TMEM108: variants seen among roughly 807,000 people sequenced by gnomAD.
The protein encoded by TMEM108 is transmembrane protein 108.
Under a neutral mutation model 35.1 loss-of-function variants are expected in TMEM108, and 12 were observed. That is an observed-to-expected ratio of 0.34 (90% CI 0.22 to 0.55). The LOEUF is 0.55. Among genes scored for constraint, TMEM108 ranks in the 20% least tolerant of loss-of-function variants. TMEM108 has a pLI of 0.89. For synonymous variants in TMEM108, 287 were observed against 308.6 expected (o/e 0.93, Z 0.73); for missense variants, 680 against 753.3 (o/e 0.90, Z 1.14).
At chr3:133,218,448 G>A (rs115552707) in intron 2 of TMEM108, among the ~76,000 whole-genome samples, 2 of 151,886 alleles carry the variant, frequency 1.3e-5, no homozygotes, top group Non-Finnish European at 2.9e-5. Context: ...TTGAATAGAA[G>A]TGACAGTAAT....
At chr3:133,314,610 A>G (rs2071174046) in intron 3 of TMEM108, among the ~76,000 whole-genome samples, 1 of 152,212 alleles carries the variant, frequency 6.6e-6, no homozygotes, top group Non-Finnish European at 1.5e-5. Context: ...AGGTCACCTG[A>G]GAGCTGTAAT....
At chr3:133,045,315 G>A (rs572121394) in intron 1 of TMEM108, among the ~76,000 whole-genome samples, 1 of 152,240 alleles carries the variant, frequency 6.6e-6, no homozygotes, top group South Asian at 2.1e-4. Flanking sequence ...GTATTTTACA[G>A]TTGAGGAAAC....
intron 3 of TMEM108, among the ~76,000 whole-genome samples, chr3:133,356,321 C>T (rs887673049): frequency 2.6e-5 from 4 of 151,936 alleles, no homozygotes; most frequent in African/African-American, 9.7e-5. Flanking sequence ...AGAAATGACA[C>T]ATAACACAAA....
At chr3:133,161,315 G>A (rs977668537) in intron 2 of TMEM108, among the ~76,000 whole-genome samples, 1 of 152,116 alleles carries the variant, frequency 6.6e-6, no homozygotes, top group Non-Finnish European at 1.5e-5. Flanking sequence ...ACATCCTCGA[G>A]GGGCATTCTT....
chr3:133,202,323 T>G (rs1945681547), intron 2 of TMEM108, among the ~76,000 whole-genome samples: 1 of 152,218 alleles, frequency 6.6e-6, no homozygotes, highest in Admixed American at 6.5e-5. Context: ...CAATTTTGGC[T>G]TATGTCGCCA....
intron 3 of TMEM108, among the ~76,000 whole-genome samples, chr3:133,313,344 C>G (rs1037642602): frequency 2.0e-5 from 3 of 151,990 alleles, no homozygotes; most frequent in African/African-American, 7.2e-5. Context: ...ACTACAGTTG[C>G]CCACCACCAC....
In TMEM108 at chr3:133,380,276, G is replaced by A. The variant is rs1348220201; in HGVS notation, c.565G>A (p.Gly189Ser). The A allele has an allele frequency of 6.2e-7, 1 of 1,614,066 alleles. No individual in the cohort carries two copies. The highest frequency in any genetic ancestry group is 8.5e-7 in the Non-Finnish European group (1 of 1,179,990). Residue 189 changes from glycine (G) to serine (S), a missense_variant, in exon 4 of 6, where the codon GGC (glycine) becomes AGC (serine). Physicochemically the swap from Gly to Ser is moderately conservative, Grantham distance 56 (BLOSUM62 0). Coordinates refer to ENST00000321871, the MANE Select transcript of TMEM108 (RefSeq NM_023943.4). This position sits in a 1 kb window ranked among gnomAD's most constrained non-coding sequence, Gnocchi z 5.3. ...ACGCCCTGTCCCGCCTGCACCTGGT[G>A]GCCACTCCAGGAGTAAAGAAGGACA... ...SSRPVPPAPG[G>S]HSRSKEGQRG...
At chr3:133,050,585 G>C (rs1943392617) in intron 2 of TMEM108, among the ~76,000 whole-genome samples, 2 of 151,972 alleles carry the variant, frequency 1.3e-5, no homozygotes, top group African/African-American at 4.8e-5. Flanking sequence ...TTAGACCAAT[G>C]TATAATCACA....
At chr3:133,178,303 G>A (rs1023932720) in intron 2 of TMEM108, among the ~76,000 whole-genome samples, 17 of 151,782 alleles carry the variant, frequency 1.1e-4, no homozygotes, top group African/African-American at 3.9e-4. Flanking sequence ...CACAGAATTG[G>A]AAAAAACTAA....
intron 3 of TMEM108, among the ~76,000 whole-genome samples, chr3:133,259,085 G>A (rs568684830): frequency 4.2e-4 from 64 of 152,260 alleles, no homozygotes; most frequent in African/African-American, 1.5e-3. Flanking sequence ...CAGTTACCAA[G>A]GAGACCTTAT....
intron 3 of TMEM108, among the ~76,000 whole-genome samples, chr3:133,355,683 G>A (rs996466283): frequency 2.0e-5 from 3 of 152,110 alleles, no homozygotes; most frequent in Non-Finnish European, 4.4e-5. Context: ...AGACACTCAC[G>A]GAGCAGTTGA....
At chr3:133,045,585 T>C (rs1187245256) in intron 1 of TMEM108, among the ~76,000 whole-genome samples, 3 of 152,226 alleles carry the variant, frequency 2.0e-5, no homozygotes, top group Admixed American at 1.3e-4. Flanking sequence ...AGAATGCTCA[T>C]GCAAGCTTCT....
chr3:133,094,331 T>C (rs1391770651), intron 2 of TMEM108, among the ~76,000 whole-genome samples: 1 of 150,818 alleles, frequency 6.6e-6, no homozygotes, highest in Non-Finnish European at 1.5e-5. Flanking sequence ...TACTCAACTG[T>C]AGTTTCAGAT....
intron 3 of TMEM108, among the ~76,000 whole-genome samples, chr3:133,374,265 A>G (rs1218968918): frequency 6.6e-6 from 1 of 152,182 alleles, no homozygotes; most frequent in East Asian, 1.9e-4. Flanking sequence ...TGTAGACACA[A>G]TTTAAAATCA....
At chr3:133,387,691 A>G in intron 4 of TMEM108, 4 of 626,604 alleles carry the variant, frequency 6.4e-6, no homozygotes, top group Non-Finnish European at 8.0e-6. Context: ...TTCAGCACCT[A>G]CTGTGCACCA....
intron 3 of TMEM108, among the ~76,000 whole-genome samples, chr3:133,250,929 G>A (rs1217585122): frequency 6.6e-6 from 1 of 151,836 alleles, no homozygotes; most frequent in Non-Finnish European, 1.5e-5. Context: ...GAATTCTTTG[G>A]TATTGAGCCA....
At chr3:133,332,555 G>A (rs973282212) in intron 3 of TMEM108, among the ~76,000 whole-genome samples, 1 of 152,176 alleles carries the variant, frequency 6.6e-6, no homozygotes, top group African/African-American at 2.4e-5. Context: ...TAGGCAGGTA[G>A]GTAAAATAGT....
intron 2 of TMEM108, among the ~76,000 whole-genome samples, chr3:133,110,749 G>T (rs1360861274): frequency 6.6e-6 from 1 of 152,176 alleles, no homozygotes; most frequent in Non-Finnish European, 1.5e-5. Context: ...GTCTCCTAAG[G>T]CTGTGGTTCT....
At chr3:133,360,900 T>C (rs2072328117) in intron 3 of TMEM108, among the ~76,000 whole-genome samples, 1 of 152,236 alleles carries the variant, frequency 6.6e-6, no homozygotes, top group Non-Finnish European at 1.5e-5. Flanking sequence ...ACACATTTCC[T>C]GATTAAAATA....
Sources: gnomAD v4.1 joint callset for allele counts (sites outside exome capture counted in the v4.1 genomes callset) on GRCh38, gnomAD v4.1.1 for gene constraint, Gnocchi (gnomAD v3.1) non-coding constraint, MANE v1.5 for transcripts, NCBI Gene and HGNC (gene_info 2026-07-23, HGNC 2026-07-21) for gene names.